The following CNTN5 variants were observed in gnomAD, a reference collection of about 807,000 sequenced individuals.
CNTN5 encodes the protein contactin 5, also known as contactin-5.
CNTN5 carries 77 observed loss-of-function variants against 129.1 expected under a neutral mutation model. The observed-to-expected ratio is 0.60, with a 90% CI of 0.50 to 0.72. CNTN5 has a LOEUF of 0.72. Among genes scored for constraint, CNTN5 ranks in the 30% least tolerant of loss-of-function variants. CNTN5 has a pLI of 0.00. For missense variants in CNTN5, 1,478 were observed against 1,328.8 expected (o/e 1.11, Z -1.75); for synonymous variants, 509 against 465.6 (o/e 1.09, Z -1.20).
chr11:99,058,184 A>G (rs996254017), intron 1 of CNTN5, among the ~76,000 whole-genome samples: 4 of 152,034 alleles, frequency 2.6e-5, no homozygotes, highest in Non-Finnish European at 4.4e-5. Flanking sequence ...AGTTTTGAGC[A>G]TAGTAGGCTT....
intron 3 of CNTN5, among the ~76,000 whole-genome samples, chr11:99,574,128 T>C (rs1477045684): frequency 6.6e-6 from 1 of 152,172 alleles, no homozygotes; most frequent in African/African-American, 2.4e-5. Context: ...ATTGTTCAAC[T>C]CTCACTTATG....
chr11:99,623,171 A>G (rs1031939865), intron 3 of CNTN5, among the ~76,000 whole-genome samples: 1 of 151,982 alleles, frequency 6.6e-6, no homozygotes, highest in Non-Finnish European at 1.5e-5. Context: ...CTTGGTACCT[A>G]TTTACCGCTT....
intron 2 of CNTN5, among the ~76,000 whole-genome samples, chr11:99,499,995 C>CA (rs1221723455): frequency 1.3e-5 from 2 of 151,756 alleles, no homozygotes; most frequent in African/African-American, 2.4e-5. Context: ...AAAAGAATGG[C>CA]AAAAAAATGG....
chr11:99,463,030 C>T (rs1205782577), intron 2 of CNTN5, among the ~76,000 whole-genome samples: 1 of 151,674 alleles, frequency 6.6e-6, no homozygotes, highest in African/African-American at 2.4e-5. Context: ...ATTGCTTGAA[C>T]ACAGGAGGCG....
chr11:99,666,959 C>A (rs546737155), intron 3 of CNTN5, among the ~76,000 whole-genome samples: 2 of 151,828 alleles, frequency 1.3e-5, no homozygotes, highest in East Asian at 1.9e-4. Context: ...ATGTTTATAT[C>A]TCTTTGAATG....
At chr11:99,582,115 G>C (rs1194189562) in intron 3 of CNTN5, among the ~76,000 whole-genome samples, 1 of 152,062 alleles carries the variant, frequency 6.6e-6, no homozygotes, top group African/African-American at 2.4e-5. Flanking sequence ...GAAATTCTGG[G>C]TTGAAAATTC....
intron 3 of CNTN5, among the ~76,000 whole-genome samples, chr11:99,564,504 AC>A (rs1259225640): frequency 3.3e-5 from 5 of 152,174 alleles, no homozygotes; most frequent in African/African-American, 4.8e-5. Flanking sequence ...ACGTAAAAAA[AC>A]AAAAACAAAA....
chr11:99,139,410 A>G (rs1172083629), intron 1 of CNTN5, among the ~76,000 whole-genome samples: 3 of 152,206 alleles, frequency 2.0e-5, no homozygotes, highest in African/African-American at 4.8e-5. Context: ...ATTATATTTG[A>G]TAAATTTAGT....
intron 6 of CNTN5, among the ~76,000 whole-genome samples, chr11:99,888,357 C>T (rs1319683324): frequency 1.3e-5 from 2 of 152,056 alleles, no homozygotes; most frequent in Non-Finnish European, 2.9e-5. Context: ...GAAATGTTTT[C>T]ATTTTTCTTT....
intron 2 of CNTN5, among the ~76,000 whole-genome samples, chr11:99,388,135 G>A (rs1941024945): frequency 1.3e-5 from 2 of 151,938 alleles, no homozygotes; most frequent in South Asian, 4.1e-4. Flanking sequence ...TGCTTTCATG[G>A]CTGGACGCGG....
At chr11:100,006,693 C>T (rs1441123765) in intron 9 of CNTN5, among the ~76,000 whole-genome samples, 2 of 152,044 alleles carry the variant, frequency 1.3e-5, no homozygotes, top group African/African-American at 2.4e-5. Flanking sequence ...CCAAGTTATC[C>T]ATGAGGGTTA....
chr11:100,151,483 C>T (rs1296936232), intron 13 of CNTN5, among the ~76,000 whole-genome samples: 3 of 152,018 alleles, frequency 2.0e-5, no homozygotes, highest in African/African-American at 7.2e-5. Flanking sequence ...GGTTTTTGGG[C>T]TCAAAGTGCA....
intron 21 of CNTN5, among the ~76,000 whole-genome samples, chr11:100,338,219 C>T (rs78782623): frequency 0.034 from 5,188 of 152,232 alleles, 121 homozygotes; most frequent in Middle Eastern, 0.065. Flanking sequence ...TTTCAGCCAG[C>T]ACTGAGGTTG....
Position 100,340,582 on chromosome 11 carries a change from G to A in CNTN5, c.2850G>A (p.Val950=). ...LEGNTLYHFT[V]RAYNGAGYGP... is the part of the protein sequence containing the mutation. The stretch of plus-strand genomic sequence containing the variant: ...GAAATACGTTATATCACTTCACAGT[G>A]AGGGCTTACAATGGAGCTGGATATG... Residue 950 remains valine (V), a synonymous_variant, in exon 22 of 25, where the codon GTG becomes GTA. Transcript: ENST00000524871. The A allele has an allele frequency of 6.2e-7, 1 of 1,613,518 alleles. No homozygotes were observed. The highest frequency in any genetic ancestry group is 8.5e-7 in the Non-Finnish European group (1 of 1,179,662).
intron 3 of CNTN5, among the ~76,000 whole-genome samples, chr11:99,726,654 A>G (rs967433023): frequency 2.0e-5 from 3 of 152,242 alleles, no homozygotes; most frequent in Non-Finnish European, 2.9e-5. Context: ...TCCATTTTAC[A>G]TATGACAATT....
chr11:99,065,661 A>G (rs1366267995), intron 1 of CNTN5, among the ~76,000 whole-genome samples: 1 of 152,182 alleles, frequency 6.6e-6, no homozygotes, highest in East Asian at 1.9e-4. Context: ...TTTACCAAAA[A>G]GTTTTAAAGG....
At chr11:100,108,403 AGGAAAGGTGGATGGCGT>A (rs775806073) in intron 13 of CNTN5, among the ~76,000 whole-genome samples, 4 of 152,184 alleles carry the variant, frequency 2.6e-5, no homozygotes, top group Admixed American at 6.5e-5. Flanking sequence ...GATGTATGGT[AGGAAAGGTGGATGGCGT>A]GGGGAAGGAA....
At chr11:100,017,405 C>A (rs1163651776) in intron 9 of CNTN5, among the ~76,000 whole-genome samples, 1 of 151,936 alleles carries the variant, frequency 6.6e-6, no homozygotes, top group African/African-American at 2.4e-5. Flanking sequence ...ATATTGCACT[C>A]AATGTTGTGT....
At chr11:99,997,950 C>T (rs967926996) in intron 8 of CNTN5, among the ~76,000 whole-genome samples, 5 of 152,138 alleles carry the variant, frequency 3.3e-5, no homozygotes, top group African/African-American at 1.2e-4. Context: ...TGACAAAATT[C>T]AACAATCTTC....
Sources: allele counts gnomAD v4.1 joint callset (sites outside exome capture counted in the v4.1 genomes callset), GRCh38; gene constraint gnomAD v4.1.1; transcripts MANE v1.5; gene names NCBI Gene and HGNC (gene_info 2026-07-23, HGNC 2026-07-21).